ECHDC1: variants seen among roughly 807,000 people sequenced by gnomAD.
ECHDC1 encodes ethylmalonyl-CoA decarboxylase 1.
ECHDC1 carries 29 observed loss-of-function variants against 29.7 expected under a neutral mutation model. The ratio of observed to expected loss-of-function variants is 0.98; its 90% CI spans 0.73 to 1.33. The LOEUF is 1.33. Among genes scored for constraint, ECHDC1 ranks in the 40% most tolerant of loss-of-function variants. ECHDC1 has a pLI of 0.00. For missense variants in ECHDC1, 328 were observed against 350.0 expected (o/e 0.94, Z 0.50); for synonymous variants, 126 against 123.1 (o/e 1.02, Z -0.15).
At chr6:127,342,515 C>G (rs954155338) in intron 1 of ECHDC1, 2 of 712,844 alleles carry the variant, frequency 2.8e-6, no homozygotes, top group Non-Finnish European at 4.4e-6. Flanking sequence ...TCCCTCCCCT[C>G]GTAGATTTCA....
intron 3 of ECHDC1, among the ~76,000 whole-genome samples, chr6:127,321,068 A>T (rs940495530): frequency 6.6e-6 from 1 of 152,220 alleles, no homozygotes; most frequent in African/African-American, 2.4e-5. Flanking sequence ...TAGTAAAAAC[A>T]TCAAAATAAT....
chr6:127,331,786 A>G (rs1290528132), intron 1 of ECHDC1: 1 of 972,938 alleles, frequency 1.0e-6, no homozygotes, highest in Non-Finnish European at 1.2e-6. Flanking sequence ...TGCAAGAGCA[A>G]TCCCACTCTC....
At chr6:127,335,487 T>C (rs954005849) in intron 1 of ECHDC1, among the ~76,000 whole-genome samples, 8 of 152,114 alleles carry the variant, frequency 5.3e-5, no homozygotes, top group Non-Finnish European at 8.8e-5. Context: ...AAAAACTTGA[T>C]GTTATTTTTC....
At chr6:127,331,134 G>T in intron 1 of ECHDC1, 104 bp from the exon 2 acceptor site, 1 of 809,724 alleles carries the variant, frequency 1.2e-6, no homozygotes, top group Non-Finnish European at 1.9e-6. Flanking sequence ...TGTTGAGTTG[G>T]GAATACTTCC....
chr6:127,321,490 A>T (rs1028235044), intron 3 of ECHDC1, among the ~76,000 whole-genome samples: 13 of 152,234 alleles, frequency 8.5e-5, no homozygotes, highest in Non-Finnish European at 1.9e-4. Flanking sequence ...AAACATGGAA[A>T]TATCGGGAAC....
intron 3 of ECHDC1, 102 bp from the exon 4 acceptor site, chr6:127,316,604 C>CA: frequency 1.2e-6 from 1 of 864,154 alleles, no homozygotes; most frequent in Non-Finnish European, 1.8e-6. Flanking sequence ...AAAAATATGT[C>CA]TTTTTTAAAC....
chr6:127,291,737 A>G (rs1015891131), intron 5 of ECHDC1, among the ~76,000 whole-genome samples: 1 of 152,156 alleles, frequency 6.6e-6, no homozygotes, highest in Non-Finnish European at 1.5e-5. Context: ...TTCTATTAGC[A>G]CTAAGAACAA....
At chr6:127,325,711 A>AT (rs35573067) in intron 3 of ECHDC1, among the ~76,000 whole-genome samples, 110,606 of 151,452 alleles carry the variant, frequency 0.73, 40,564 homozygotes, top group East Asian at 0.78. Flanking sequence ...GAGTTTCACT[A>AT]TTTTTTTGAG....
chr6:127,311,372 T>C (rs778094533), intron 5 of ECHDC1, among the ~76,000 whole-genome samples: 4 of 151,956 alleles, frequency 2.6e-5, no homozygotes, highest in Non-Finnish European at 5.9e-5. Flanking sequence ...CACAGAAATG[T>C]TAACCATAAG....
At chr6:127,300,659 CAG>C (rs1350070617) in intron 5 of ECHDC1, among the ~76,000 whole-genome samples, 1 of 152,186 alleles carries the variant, frequency 6.6e-6, no homozygotes, top group Non-Finnish European at 1.5e-5. Flanking sequence ...AGCAAGGAAA[CAG>C]GGACTTCAGT....
intron 5 of ECHDC1, among the ~76,000 whole-genome samples, chr6:127,303,069 TTGTG>T (rs1186742908): frequency 2.0e-5 from 3 of 152,094 alleles, no homozygotes; most frequent in Non-Finnish European, 4.4e-5. Flanking sequence ...AAATCTCTAT[TTGTG>T]TGAGCATGAA....
intron 1 of ECHDC1, among the ~76,000 whole-genome samples, chr6:127,332,493 G>A (rs1264779440): frequency 6.6e-6 from 1 of 152,094 alleles, no homozygotes; most frequent in Non-Finnish European, 1.5e-5. Flanking sequence ...GGGAGACATG[G>A]GACATCAATC....
intron 4 of ECHDC1, chr6:127,315,270 A>AT (rs899937469): frequency 2.7e-6 from 1 of 373,294 alleles, no homozygotes; most frequent in African/African-American, 2.1e-5. Context: ...ATGTGATATT[A>AT]TCTTTGTCCA....
intron 3 of ECHDC1, among the ~76,000 whole-genome samples, chr6:127,326,272 C>T (rs1312850231): frequency 6.6e-6 from 1 of 152,162 alleles, no homozygotes. Flanking sequence ...TACTTCTCCC[C>T]GCCCTCTGGC....
chr6:127,289,863 A>G lies in ECHDC1; in HGVS notation c.*6T>C, dbSNP rs553455050. On this transcript the variant is annotated 3_prime_UTR_variant, in exon 6 of 6. Transcript: ENST00000454859. ...TTACTTGGAGTACATCCACACGAAA[A>G]ACCAATTATTTATTAAATTTTCCTT... 1 of 1,601,982 alleles carries G rather than the reference A, an allele frequency of 6.2e-7. No individual in the cohort carries two copies. The highest frequency in any genetic ancestry group is 1.1e-5 in the South Asian group (1 of 89,810).
intron 5 of ECHDC1, among the ~76,000 whole-genome samples, chr6:127,296,623 T>C (rs538672052): frequency 3.9e-5 from 6 of 151,958 alleles, no homozygotes; most frequent in Non-Finnish European, 8.8e-5. Context: ...AAAACAAATA[T>C]CCTGTTGAGA....
intron 3 of ECHDC1, among the ~76,000 whole-genome samples, chr6:127,326,107 C>A (rs1783308627): frequency 6.6e-6 from 1 of 152,140 alleles, no homozygotes; most frequent in Non-Finnish European, 1.5e-5. Flanking sequence ...CTGTGTCCCC[C>A]AACCAAATCT....
chr6:127,293,044 C>G (rs985411077), intron 5 of ECHDC1, among the ~76,000 whole-genome samples: 1 of 152,024 alleles, frequency 6.6e-6, no homozygotes, highest in Non-Finnish European at 1.5e-5. Context: ...TTACTACTGT[C>G]TGGATGAAAC....
intron 3 of ECHDC1, among the ~76,000 whole-genome samples, chr6:127,321,765 G>A (rs1488724850): frequency 6.6e-6 from 1 of 152,108 alleles, no homozygotes; most frequent in African/African-American, 2.4e-5. Context: ...CACTTTGGGA[G>A]GCTGAGGCAG....
Sources: allele counts gnomAD v4.1 joint callset (sites outside exome capture counted in the v4.1 genomes callset), GRCh38; gene constraint gnomAD v4.1.1; transcripts MANE v1.5; gene names NCBI Gene and HGNC (gene_info 2026-07-23, HGNC 2026-07-21).